The following RHOU variants were observed in gnomAD, a reference collection of about 807,000 sequenced individuals.
RHOU encodes the protein ras homolog family member U, also known as rho-related GTP-binding protein RhoU.
In RHOU, 8 loss-of-function variants were observed where a neutral mutation model predicts 12.6. The ratio of observed to expected loss-of-function variants is 0.64; its 90% CI spans 0.37 to 1.15. The LOEUF (loss-of-function observed/expected upper bound fraction) is 1.15. Ranked by LOEUF, RHOU falls within the 50% of genes most tolerant of loss-of-function variation. RHOU has a pLI of 0.01. For synonymous variants in RHOU, 161 were observed against 147.4 expected (o/e 1.09, Z -0.67); for missense variants, 258 against 347.0 (o/e 0.74, Z 2.04).
chr1:228,693,914 A>G, the RHOU span, among the ~76,000 whole-genome samples: 2 of 152,392 alleles, frequency 1.3e-5, no homozygotes, highest in East Asian at 3.8e-4. Flanking sequence ...ATAATATTTT[A>G]GAGCTAGAAA....
At chr1:228,671,759 T>C in the RHOU span, among the ~76,000 whole-genome samples, 1 of 148,546 alleles carries the variant, frequency 6.7e-6, no homozygotes, top group Non-Finnish European at 1.5e-5. Context: ...AAAGGATTGA[T>C]GGAAATATTT....
chr1:228,647,577 C>T, the RHOU span, among the ~76,000 whole-genome samples: 2 of 152,308 alleles, frequency 1.3e-5, no homozygotes, highest in East Asian at 1.9e-4. Flanking sequence ...CCCGCCCCTT[C>T]CCCCGGTTTA....
the RHOU span, among the ~76,000 whole-genome samples, chr1:228,682,335 C>T: frequency 8.5e-5 from 13 of 152,278 alleles, no homozygotes; most frequent in South Asian, 1.2e-3. Context: ...CCCTCTGACC[C>T]GGGTCTTCAG....
At chr1:228,663,974 CCCCTT>C in the RHOU span, among the ~76,000 whole-genome samples, 5 of 107,972 alleles carry the variant, frequency 4.6e-5, no homozygotes, top group African/African-American at 1.7e-4. Context: ...CCCCTCCCCT[CCCCTT>C]CCCTCCCCTC....
At chr1:228,699,085 GT>G in the RHOU span, among the ~76,000 whole-genome samples, 127 of 142,744 alleles carry the variant, frequency 8.9e-4, 1 homozygote, top group Admixed American at 5.7e-3. Flanking sequence ...GCTATGAAAA[GT>G]TTTTTTTTTG....
At position 228,745,596 on chromosome 1, in the gene RHOU, T is replaced by C. The variant is rs528907212; in HGVS notation, c.*1856T>C. On this transcript the variant is annotated 3_prime_UTR_variant, in exon 3 of 3. Transcript: ENST00000366691. Reference sequence around the variant, plus strand: ...ATAGACTGATTGATTATTCAACACATTGGAATTGATGTCGGTCATAGTTTC... The same window carrying C: ...ATAGACTGATTGATTATTCAACACACTGGAATTGATGTCGGTCATAGTTTC... 3 of 152,324 alleles carry C rather than the reference T, an allele frequency of 2.0e-5. No homozygotes were observed. The highest frequency in any genetic ancestry group is 3.9e-4 in the East Asian group (2 of 5,184). 9.4% of individuals were successfully genotyped at this position (152,324 alleles called of 1,614,324 possible).
At chr1:228,728,899 CT>C in the RHOU span, among the ~76,000 whole-genome samples, 232 of 141,702 alleles carry the variant, frequency 1.6e-3, 1 homozygote, top group Middle Eastern at 7.2e-3. Flanking sequence ...CTTTTCTTTT[CT>C]TTTTTTTTTT....
At chr1:228,652,808 C>G in the RHOU span, among the ~76,000 whole-genome samples, 1 of 152,070 alleles carries the variant, frequency 6.6e-6, no homozygotes, top group Non-Finnish European at 1.5e-5. Context: ...TGGCTCTTTA[C>G]TTATATGTTT....
chr1:228,656,477 AG>A, the RHOU span, among the ~76,000 whole-genome samples: 1 of 152,240 alleles, frequency 6.6e-6, no homozygotes, highest in African/African-American at 2.4e-5. Flanking sequence ...CTAGTGCATA[AG>A]AAACAATTTA....
At chr1:228,697,275 T>A in the RHOU span, among the ~76,000 whole-genome samples, 1 of 152,204 alleles carries the variant, frequency 6.6e-6, no homozygotes. Context: ...AAGTTGCATA[T>A]CCTGTAATGA....
the RHOU span, among the ~76,000 whole-genome samples, chr1:228,648,854 C>T: frequency 2.2e-5 from 3 of 137,880 alleles, no homozygotes; most frequent in South Asian, 2.4e-4. Context: ...TTCTCTTCCT[C>T]TCTCTCTTTC....
chr1:228,716,551 C>T, the RHOU span, among the ~76,000 whole-genome samples: 1 of 152,134 alleles, frequency 6.6e-6, no homozygotes, highest in African/African-American at 2.4e-5. Flanking sequence ...TTAATATCGT[C>T]TGCTTATCAC....
chr1:228,704,391 A>G, the RHOU span, among the ~76,000 whole-genome samples: 1 of 152,212 alleles, frequency 6.6e-6, no homozygotes, highest in Admixed American at 6.5e-5. Context: ...TTTGGGGTTC[A>G]CAAATAGTAA....
chr1:228,736,032 G>A (rs777961967), intron 1 of RHOU, 28 bp downstream of exon 1: 12 of 1,566,912 alleles, frequency 7.7e-6, no homozygotes, highest in Non-Finnish European at 1.0e-5. Context: ...CCGGGGCCGG[G>A]GGCGCGTGGC....
chr1:228,739,967 G>A (rs1380994567), intron 2 of RHOU, among the ~76,000 whole-genome samples: 1 of 152,222 alleles, frequency 6.6e-6, no homozygotes, highest in African/African-American at 2.4e-5. Flanking sequence ...GTGGAGGGAA[G>A]ACAAATGGAA....
chr1:228,688,307 A>G, the RHOU span, among the ~76,000 whole-genome samples: 2 of 152,068 alleles, frequency 1.3e-5, no homozygotes, highest in Admixed American at 6.5e-5. Flanking sequence ...ATGAACATGA[A>G]TTTTTTCTCT....
At chr1:228,652,091 A>G in the RHOU span, among the ~76,000 whole-genome samples, 1 of 152,206 alleles carries the variant, frequency 6.6e-6, no homozygotes, top group East Asian at 1.9e-4. Context: ...ACTTGAACTT[A>G]TCTCATTGCA....
At chr1:228,650,406 G>A in the RHOU span, 3 of 457,178 alleles carry the variant, frequency 6.6e-6, no homozygotes, top group Middle Eastern at 3.2e-4. Context: ...GCGCCAGCCC[G>A]GGGCGGCTGT....
the RHOU span, chr1:228,652,693 C>T: frequency 6.6e-6 from 1 of 152,116 alleles, no homozygotes; most frequent in Non-Finnish European, 1.5e-5. Context: ...AATGAAGAAA[C>T]TGATGAATTC....
Sources: allele counts gnomAD v4.1 joint callset (sites outside exome capture counted in the v4.1 genomes callset), GRCh38; gene constraint gnomAD v4.1.1; transcripts MANE v1.5; gene names NCBI Gene and HGNC (gene_info 2026-07-23, HGNC 2026-07-21).